SLC9C2: variants seen among roughly 807,000 people sequenced by gnomAD.
The protein encoded by SLC9C2 is sodium/hydrogen exchanger 11.
In SLC9C2, 75 loss-of-function variants were observed where a neutral mutation model predicts 140.2. The ratio of observed to expected loss-of-function variants is 0.53; its 90% CI spans 0.44 to 0.65. The LOEUF (loss-of-function observed/expected upper bound fraction) is 0.65, where lower values mean the gene tolerates loss of function less well. Ranked by LOEUF, SLC9C2 falls within the 30% of genes least tolerant of loss-of-function variation. The probability of loss-of-function intolerance (pLI) is 0.00; values close to 1 mark genes in which losing one functional copy is unlikely to be tolerated. For synonymous variants in SLC9C2, 375 were observed against 420.9 expected (o/e 0.89, Z 1.34); for missense variants, 1,074 against 1,331.8 (o/e 0.81, Z 3.01).
intron 13 of SLC9C2, among the ~76,000 whole-genome samples, chr1:173,545,608 CAACCA>C (rs1167621006): frequency 1.3e-5 from 2 of 152,140 alleles, no homozygotes; most frequent in African/African-American, 2.4e-5. Context: ...TCAGGAGAGG[CAACCA>C]AGGAGCCTCT....
At chr1:173,588,050 T>C (rs559659745) in intron 4 of SLC9C2, among the ~76,000 whole-genome samples, 54 of 152,352 alleles carry the variant, frequency 3.5e-4, no homozygotes, top group South Asian at 6.2e-4. Flanking sequence ...GACTCAACTA[T>C]CTTTCTTGTT....
At chr1:173,514,675 C>A (rs1251983403) in intron 23 of SLC9C2, among the ~76,000 whole-genome samples, 2 of 152,130 alleles carry the variant, frequency 1.3e-5, no homozygotes, top group Non-Finnish European at 2.9e-5. Flanking sequence ...TGAATTTGAG[C>A]CTGTCATCAT....
intron 9 of SLC9C2, among the ~76,000 whole-genome samples, chr1:173,564,968 C>CTTTTTTTTTTTTTTTTTTTTTT (rs564120430): frequency 3.5e-5 from 4 of 113,620 alleles, no homozygotes; most frequent in Non-Finnish European, 3.6e-5. Flanking sequence ...TTTTCTTTTT[C>CTTTTTTTTTTTTTTTTTTTTTT]TTTTTTTTTT....
In SLC9C2 at chr1:173,528,766, A is replaced by T. The variant is rs566471896; in HGVS notation, c.2313+1139T>A. ...GTAATCAGGATTTAAATCCATCTCCAGTTAAAAATCAAGAGTGTAACTTGG... is the reference window on the plus strand; with the variant it reads ...GTAATCAGGATTTAAATCCATCTCCTGTTAAAAATCAAGAGTGTAACTTGG... On this transcript the variant is annotated intron_variant, in intron 18 of 27. Transcript: ENST00000367714. Among the ~76,000 whole-genome samples the T allele has an allele frequency of 3.6e-4, 55 of 152,338 alleles. 1 individual carries two copies. The South Asian group carries it at 6.4e-3, about 18-fold the overall frequency.
In SLC9C2 at chr1:173,509,706, CA is replaced by C; in HGVS notation, c.2908-8del. 3 of 1,579,962 alleles carry C rather than the reference CA, an allele frequency of 1.9e-6. No individual in the cohort carries two copies. The highest frequency in any genetic ancestry group is 2.3e-5 in the East Asian group (1 of 43,488). ...CCAGGGAGATAAAGCAGGCCTGAAACAAAAAGGAACCAGGCCATAGCAGCTT... is the reference window on the plus strand; with the variant it reads ...CCAGGGAGATAAAGCAGGCCTGAAACAAAAGGAACCAGGCCATAGCAGCTT... On this transcript the variant is annotated splice_polypyrimidine_tract_variant and splice_region_variant and intron_variant, in intron 23 of 27. Transcript: ENST00000367714.
In SLC9C2 at chr1:173,517,612, C is replaced by T. The variant is rs148706092; in HGVS notation, c.2832G>A (p.Gly944=). 2 of 1,613,804 alleles carry T rather than the reference C, an allele frequency of 1.2e-6. No individual in the cohort carries two copies. The highest frequency in any genetic ancestry group is 2.7e-5 in the African/African-American group (2 of 74,902). ...GACAGCTTAGCTCTCCAATTATGTCCCCAGTAGTACAGAACTCTGTAAACA... is the reference window on the plus strand; with the variant it reads ...GACAGCTTAGCTCTCCAATTATGTCTCCAGTAGTACAGAACTCTGTAAACA... ...RDMFTEFCTT[G]DIIGELSCLL... The change falls in exon 23 of 28, where the codon GGG becomes GGA. Residue 944 remains glycine (G), a synonymous_variant. Transcript: ENST00000367714.
rs752165145 is a variant in SLC9C2, at chr1:173,536,960, T to C, written c.1637A>G (p.Tyr546Cys). The C allele has an allele frequency of 6.8e-6, 11 of 1,613,392 alleles. No individual in the cohort carries two copies. The highest frequency in any genetic ancestry group is 9.3e-6 in the Non-Finnish European group (11 of 1,179,600). Residue 546 changes from tyrosine to cysteine, a missense_variant, in exon 14 of 28, where the codon TAT (tyrosine) becomes TGT (cysteine). Physicochemically the swap from Tyr to Cys is radical, Grantham distance 194. Transcript: ENST00000367714. The stretch of plus-strand genomic sequence containing the variant: ...TACTTACTTTCCTTGGATGGAGTAA[T>C]AGCATTTTGCTGCACCAATTAATAT... ...ARILIGAAKC[Y>C]YSIQGKFMSI...
chr1:173,556,704 G>T (rs1367466562), intron 10 of SLC9C2, among the ~76,000 whole-genome samples: 2 of 151,940 alleles, frequency 1.3e-5, no homozygotes, highest in Non-Finnish European at 2.9e-5. Context: ...ATCACCTGAG[G>T]CCAAGAGTTC....
intron 9 of SLC9C2, among the ~76,000 whole-genome samples, chr1:173,559,330 C>T (rs1663938913): frequency 6.6e-6 from 1 of 152,326 alleles, no homozygotes; most frequent in South Asian, 2.1e-4. Flanking sequence ...AGGAAATTCA[C>T]ATAACTCATG....
chr1:173,530,597 T>C (rs1051157622), intron 17 of SLC9C2, among the ~76,000 whole-genome samples: 34 of 152,296 alleles, frequency 2.2e-4, no homozygotes, highest in Non-Finnish European at 3.2e-4. Context: ...TATACACCTC[T>C]CTAAATTCAA....
At position 173,506,936 on chromosome 1, in the gene SLC9C2, T is replaced by C. The variant is rs780013528; in HGVS notation, c.3145A>G (p.Ile1049Val). 3 of 1,613,714 alleles carry C rather than the reference T, an allele frequency of 1.9e-6. No individual in the cohort carries two copies. Among genetic ancestry groups the C allele is most frequent in the Non-Finnish European group, 2.5e-6 (3 of 1,179,860 alleles). The change falls in exon 25 of 28, where the codon ATT (isoleucine) becomes GTT (valine). Residue 1049 changes from isoleucine to valine, a missense_variant. Physicochemically the swap from Ile to Val is conservative, Grantham distance 29 (BLOSUM62 3). Transcript: ENST00000367714. ...IDNMTMKFVI[I>V]VYGSVIDTKT... ...GTATCAATTACACTGCCATACACAA[T>C]GATAACAAATTTCATGGTCATATTA...
intron 5 of SLC9C2, among the ~76,000 whole-genome samples, chr1:173,585,716 C>T (rs995495426): frequency 2.0e-5 from 3 of 152,144 alleles, no homozygotes; most frequent in Admixed American, 6.5e-5. Context: ...CCTGTAATCC[C>T]AGCACTTTGG....
intron 13 of SLC9C2, among the ~76,000 whole-genome samples, chr1:173,541,167 CAAGCAAATGGA>C (rs374997740): frequency 0.013 from 1,923 of 150,996 alleles, 25 homozygotes; most frequent in African/African-American, 0.042. Flanking sequence ...GAAGATCTAC[CAAGCAAATGGA>C]AAGCAAAAAA....
chr1:173,594,091 A>G (rs1398728627), intron 4 of SLC9C2, among the ~76,000 whole-genome samples: 1 of 152,206 alleles, frequency 6.6e-6, no homozygotes, highest in East Asian at 1.9e-4. Context: ...CTCAAAAGCA[A>G]CAATTAGGCT....
intron 4 of SLC9C2, among the ~76,000 whole-genome samples, chr1:173,596,055 G>A (rs1666440302): frequency 6.6e-6 from 1 of 152,092 alleles, no homozygotes. Flanking sequence ...TTGGAGGCTG[G>A]CTTATTTCTC....
chr1:173,548,521 C>T lies in SLC9C2; in HGVS notation c.1329G>A (p.Met443Ile), dbSNP rs1663022499. The stretch of plus-strand genomic sequence containing the variant: ...TGTGCTGAGTGGCATTTTGCAAGAT[C>T]ATTTGTCTTGGGAGGGAAAGAACAC... ...DLCVLSLPRQ[M>I]ILQNATQHIQ... Residue 443 changes from methionine (M) to isoleucine (I), a missense_variant, in exon 12 of 28, where the codon ATG (methionine) becomes ATA (isoleucine). Met to Ile is a conservative substitution (Grantham distance 10). Transcript: ENST00000367714. 1 of 1,613,726 alleles carries T rather than the reference C, an allele frequency of 6.2e-7. No homozygotes were observed. Among genetic ancestry groups the T allele is most frequent in the Non-Finnish European group, 8.5e-7 (1 of 1,179,748 alleles).
intron 23 of SLC9C2, among the ~76,000 whole-genome samples, chr1:173,516,425 A>AG (rs1230986381): frequency 1.3e-5 from 2 of 150,878 alleles, no homozygotes; most frequent in Non-Finnish European, 1.5e-5. Context: ...TATTAAGCCT[A>AG]GTACCCGTAG....
chr1:173,511,434 A>C (rs886147462), intron 23 of SLC9C2, among the ~76,000 whole-genome samples: 1 of 137,096 alleles, frequency 7.3e-6, no homozygotes, highest in East Asian at 2.6e-4. Flanking sequence ...GCTTTTTTTC[A>C]TATGTTTGTT....
chr1:173,502,028 C>A (rs552099025), intron 27 of SLC9C2, among the ~76,000 whole-genome samples: 3 of 152,068 alleles, frequency 2.0e-5, no homozygotes, highest in Non-Finnish European at 4.4e-5. Flanking sequence ...AATCCCAGCA[C>A]TTTGGGAGGC....
Sources: gnomAD v4.1 joint callset for allele counts (sites outside exome capture counted in the v4.1 genomes callset) on GRCh38, gnomAD v4.1.1 for gene constraint, MANE v1.5 for transcripts, NCBI Gene and HGNC (gene_info 2026-07-23, HGNC 2026-07-21) for gene names.